Variants in BIRC6 observed in about 807,000 individuals in gnomAD.
BIRC6 encodes dual E2 ubiquitin-conjugating enzyme/E3 ubiquitin-protein ligase BIRC6.
In BIRC6, 98 loss-of-function variants were observed where a neutral mutation model predicts 503.3. The ratio of observed to expected loss-of-function variants is 0.19; its 90% CI spans 0.17 to 0.23. The LOEUF (loss-of-function observed/expected upper bound fraction) is 0.23. Ranked by LOEUF, BIRC6 falls within the 10% of genes least tolerant of loss-of-function variation. The pLI, the probability that BIRC6 is intolerant of heterozygous loss-of-function variation, is 1.00. For synonymous variants in BIRC6, 2,240 were observed against 2,078.7 expected, an observed-to-expected ratio of 1.08 and a Z score of -2.11; for missense variants, 5,360 against 5,806.0, an observed-to-expected ratio of 0.92 and a Z score of 2.50.
At chr2:32,569,134 C>A (rs1397830799) in intron 65 of BIRC6, among the ~76,000 whole-genome samples, 1 of 151,814 alleles carries the variant, frequency 6.6e-6, no homozygotes, top group Admixed American at 6.6e-5. Context: ...GGTTTACAGA[C>A]ACCCACAACG....
At chr2:32,435,387 G>T in intron 13 of BIRC6, 109 bp from the exon 14 acceptor site, 1 of 1,215,256 alleles carries the variant, frequency 8.2e-7, no homozygotes. Context: ...GGAAATTTTA[G>T]ATTTTTCAGG....
At position 32,531,423 on chromosome 2, in the gene BIRC6, G is replaced by A. The variant is rs991944707; in HGVS notation, c.12163G>A (p.Gly4055Arg). The A allele has an allele frequency of 6.2e-7, 1 of 1,613,820 alleles. No individual in the cohort carries two copies. Among genetic ancestry groups the A allele is most frequent in the Non-Finnish European group, 8.5e-7 (1 of 1,179,798 alleles). ...ALTPGDECMD[G>R]ILDESLLETC... ...CACTCCAGGTGATGAATGCATGGAT[G>A]GGATACTGGATGAATCTTTGCTTGA... is the stretch of plus-strand genomic sequence containing the variant. Residue 4055 changes from glycine to arginine, a missense_variant, in exon 61 of 74, where the codon GGG becomes AGG. Gly to Arg is a moderately radical substitution (Grantham distance 125, BLOSUM62 -2). Coordinates refer to ENST00000421745, the MANE Select transcript of BIRC6 (RefSeq NM_016252.4).
intron 3 of BIRC6, among the ~76,000 whole-genome samples, chr2:32,383,016 G>A (rs1484386110): frequency 6.6e-6 from 1 of 150,938 alleles, no homozygotes; most frequent in African/African-American, 2.4e-5. Context: ...GCCACCGCAC[G>A]TGGCCTGGTC....
At chr2:32,598,380 G>A (rs2061811622) in intron 69 of BIRC6, among the ~76,000 whole-genome samples, 1 of 152,012 alleles carries the variant, frequency 6.6e-6, no homozygotes, top group South Asian at 2.1e-4. Context: ...AATGTTACAG[G>A]ATTTCCATTT....
At chr2:32,469,838 TTC>T (rs1226504894) in intron 30 of BIRC6, among the ~76,000 whole-genome samples, 1 of 152,234 alleles carries the variant, frequency 6.6e-6, no homozygotes, top group Non-Finnish European at 1.5e-5. Context: ...ACTTGTGGAC[TTC>T]ATAGATCTGT....
intron 71 of BIRC6, among the ~76,000 whole-genome samples, chr2:32,605,976 A>G (rs1424884183): frequency 6.6e-6 from 1 of 152,216 alleles, no homozygotes; most frequent in African/African-American, 2.4e-5. Context: ...TTTTGGGTCA[A>G]ATACGTTACT....
intron 66 of BIRC6, among the ~76,000 whole-genome samples, chr2:32,578,695 C>T (rs1341736353): frequency 6.6e-6 from 1 of 151,766 alleles, no homozygotes; most frequent in Non-Finnish European, 1.5e-5. Flanking sequence ...ACTTGGGAGG[C>T]TGAGGCACGA....
At chr2:32,377,522 A>T in intron 1 of BIRC6, 66 bp from the exon 2 acceptor site, 1 of 1,324,394 alleles carries the variant, frequency 7.6e-7, no homozygotes, top group Non-Finnish European at 1.0e-6. Flanking sequence ...TCACTATGTA[A>T]ACATTTATTT....
chr2:32,608,711 C>CT (rs34107402), intron 72 of BIRC6, among the ~76,000 whole-genome samples: 3,935 of 152,136 alleles, frequency 0.026, 72 homozygotes, highest in African/African-American at 0.062. Flanking sequence ...GCCACCGCCC[C>CT]GGCCTATTCT....
At chr2:32,491,208 G>A (rs1028362333) in intron 43 of BIRC6, among the ~76,000 whole-genome samples, 8 of 152,108 alleles carry the variant, frequency 5.3e-5, no homozygotes, top group East Asian at 1.9e-4. Flanking sequence ...CATTAAGCTC[G>A]AGGTGTTTTC....
At chr2:32,405,450 C>A (rs2041093152) in intron 8 of BIRC6, among the ~76,000 whole-genome samples, 1 of 152,148 alleles carries the variant, frequency 6.6e-6, no homozygotes, top group Non-Finnish European at 1.5e-5. Context: ...CAAACATTGC[C>A]TTGGAGTGCA....
At chr2:32,537,566 C>T (rs1205638280) in intron 61 of BIRC6, among the ~76,000 whole-genome samples, 1 of 152,038 alleles carries the variant, frequency 6.6e-6, no homozygotes, top group Non-Finnish European at 1.5e-5. Context: ...AATTCTTCAC[C>T]CACCTCGCCC....
intron 63 of BIRC6, 94 bp from the exon 64 acceptor site, chr2:32,547,756 T>C: frequency 1.7e-6 from 2 of 1,160,618 alleles, no homozygotes; most frequent in East Asian, 2.7e-5. Context: ...CTGTTTTCCA[T>C]AGTAGCTTCA....
chr2:32,616,245 GATAGGCTGGGTGCAGTTCT>G (rs1490052684), intron 73 of BIRC6, among the ~76,000 whole-genome samples: 1 of 151,954 alleles, frequency 6.6e-6, no homozygotes, highest in Admixed American at 6.6e-5. Flanking sequence ...AAGTTCTAAT[GATAGGCTGGGTGCAGTTCT>G]ATAGGCTGGG....
intron 9 of BIRC6, among the ~76,000 whole-genome samples, chr2:32,410,153 A>T (rs77487050): frequency 0.03 from 4,552 of 152,274 alleles, 131 homozygotes; most frequent in African/African-American, 0.081. Flanking sequence ...TCCTACATAG[A>T]TTAGAAAGAA....
chr2:32,582,086 T>G (rs1487386683), intron 66 of BIRC6, among the ~76,000 whole-genome samples: 2 of 151,978 alleles, frequency 1.3e-5, no homozygotes, highest in Non-Finnish European at 2.9e-5. Flanking sequence ...CTTGAACTCC[T>G]GACCTCAAGT....
intron 40 of BIRC6, 96 bp downstream of exon 40, chr2:32,485,855 T>C (rs1020152117): frequency 4.9e-6 from 4 of 816,142 alleles, no homozygotes; most frequent in South Asian, 1.8e-5. Flanking sequence ...TTAAATTCCA[T>C]GATGTGAGTC....
intron 59 of BIRC6, chr2:32,526,980 C>T (rs924517105): frequency 6.6e-6 from 1 of 152,204 alleles, no homozygotes; most frequent in African/African-American, 2.4e-5. Context: ...GAAATATATC[C>T]CTGTTCTGGT....
At chr2:32,455,227 A>C (rs1356709022) in intron 23 of BIRC6, among the ~76,000 whole-genome samples, 1 of 151,840 alleles carries the variant, frequency 6.6e-6, no homozygotes, top group Non-Finnish European at 1.5e-5. Context: ...AAAATACAAA[A>C]AAAATTAGCT....
Sources: allele counts gnomAD v4.1 joint callset (sites outside exome capture counted in the v4.1 genomes callset), GRCh38; gene constraint gnomAD v4.1.1; transcripts MANE v1.5; gene names NCBI Gene and HGNC (gene_info 2026-07-23, HGNC 2026-07-21).